Variants in FER observed in about 807,000 individuals in gnomAD.
The protein encoded by FER is tyrosine-protein kinase Fer.
Under a neutral mutation model 111.0 loss-of-function variants are expected in FER, and 63 were observed. The ratio of observed to expected loss-of-function variants is 0.57; its 90% CI spans 0.46 to 0.70. The LOEUF (loss-of-function observed/expected upper bound fraction) is 0.70. Among genes scored for constraint, FER ranks in the 30% least tolerant of loss-of-function variants. The pLI is 0.00. For synonymous variants in FER, 327 were observed against 313.9 expected (o/e 1.04, Z -0.44); for missense variants, 914 against 954.0 (o/e 0.96, Z 0.55).
chr5:109,110,858 A>T (rs1430798190), intron 17 of FER, among the ~76,000 whole-genome samples: 3 of 152,132 alleles, frequency 2.0e-5, no homozygotes, highest in African/African-American at 4.8e-5. Flanking sequence ...AGAAAAACAT[A>T]ACTCATAGCT....
chr5:109,152,312 C>T (rs547593166), intron 17 of FER, among the ~76,000 whole-genome samples: 15 of 151,942 alleles, frequency 9.9e-5, no homozygotes, highest in Non-Finnish European at 1.9e-4. Context: ...CTACCAGACT[C>T]ATCATATAGT....
intron 16 of FER, among the ~76,000 whole-genome samples, chr5:109,071,219 C>T (rs1775725664): frequency 1.3e-5 from 2 of 152,002 alleles, no homozygotes; most frequent in Admixed American, 1.3e-4. Context: ...ATCCTCTAGT[C>T]TGTGAGAGTT....
In FER at chr5:109,192,220, C is replaced by A. The variant is rs561693021; in HGVS notation, c.*4645C>A. On this transcript the variant is annotated 3_prime_UTR_variant, in exon 20 of 20. Coordinates refer to ENST00000281092, the MANE Select transcript of FER (RefSeq NM_005246.4). ...GGTGCTGAGGCAGCAGATTCAAATG[C>A]AAAAGAGGGAGGAACCAGTTATTCC... 2.0e-5 allele frequency: 3 copies of A among 152,240 alleles called. No homozygotes were observed. The East Asian group carries it at 5.8e-4, about 29-fold the overall frequency. 9.4% of individuals were successfully genotyped at this position (152,240 alleles called of 1,614,324 possible). A position where few individuals can be genotyped will look rare whatever the true frequency, so the allele number is the denominator to read the frequency against.
chr5:109,049,568 CT>C lies in FER; in HGVS notation c.1924+2380del, dbSNP rs906124423. Among the ~76,000 whole-genome samples the C allele has an allele frequency of 9.2e-4, 138 of 149,580 alleles. 1 individual carries two copies. Among genetic ancestry groups the C allele is most frequent in the African/African-American group, 2.7e-3 (109 of 40,946 alleles). ...GTTACTAGCTAAAGAATACTCTCTA[CT>C]TTTTTTTTTAAAATGCTAAATTAAA... is the stretch of plus-strand genomic sequence containing the variant. On this transcript the variant is annotated intron_variant, in intron 16 of 19. Transcript: ENST00000281092.
At chr5:109,032,356 C>T (rs530308081) in intron 13 of FER, among the ~76,000 whole-genome samples, 8 of 152,318 alleles carry the variant, frequency 5.3e-5, no homozygotes, top group East Asian at 3.9e-4. Context: ...AACACACTTA[C>T]ATTTCCTCCC....
chr5:108,789,766 C>A (rs748580145), intron 2 of FER, among the ~76,000 whole-genome samples: 23 of 152,054 alleles, frequency 1.5e-4, no homozygotes, highest in Non-Finnish European at 2.6e-4. Context: ...CCATACCCAG[C>A]CAATTTTTGT....
Position 108,962,032 on chromosome 5 carries a change from T to G in FER, c.1656+2685T>G, listed in dbSNP as rs187830969. Among the ~76,000 whole-genome samples the G allele has an allele frequency of 3.7e-3, 557 of 152,330 alleles. 2 individuals are homozygous for G. Among genetic ancestry groups the G allele is most frequent in the African/African-American group, 0.013 (524 of 41,576 alleles). On this transcript the variant is annotated intron_variant, in intron 13 of 19. Transcript: ENST00000281092. ...CTGCTCCTACCCATAAAAATATGTT[T>G]ATCATCATAATGCCTAACTTGAGGA...
intron 1 of FER, among the ~76,000 whole-genome samples, chr5:108,758,357 T>G (rs1751350386): frequency 2.0e-5 from 3 of 152,214 alleles, no homozygotes; most frequent in Admixed American, 1.3e-4. Flanking sequence ...AGACAAATAA[T>G]TTAATTCTTA....
At position 109,149,209 on chromosome 5, in the gene FER, G is replaced by C. The variant is rs116019330; in HGVS notation, c.2049-31538G>C. Among the ~76,000 whole-genome samples the C allele has an allele frequency of 8.7e-3, 1,329 of 152,220 alleles. 12 individuals carry two copies. The highest frequency in any genetic ancestry group is 0.02 in the South Asian group (95 of 4,818). ...GATGATGATTTAAAAGTCTAAATTT[G>C]AGGCCTCTCTTAAATGTAAAAGGTC... On this transcript the variant is annotated intron_variant, in intron 17 of 19. Coordinates refer to ENST00000281092, the MANE Select transcript of FER (RefSeq NM_005246.4).
chr5:109,056,288 TACTC>T (rs1283136924), intron 16 of FER, among the ~76,000 whole-genome samples: 13 of 152,216 alleles, frequency 8.5e-5, no homozygotes, highest in East Asian at 1.9e-4. Flanking sequence ...ATTGCAGTGT[TACTC>T]ACGATAGCCA....
intron 17 of FER, among the ~76,000 whole-genome samples, chr5:109,108,279 A>G (rs1357052321): frequency 6.6e-6 from 1 of 152,194 alleles, no homozygotes; most frequent in Non-Finnish European, 1.5e-5. Flanking sequence ...AGGAAGATTC[A>G]GGCCTATTCT....
At chr5:109,145,896 C>G (rs1358711325) in intron 17 of FER, among the ~76,000 whole-genome samples, 1 of 150,856 alleles carries the variant, frequency 6.6e-6, no homozygotes, top group Non-Finnish European at 1.5e-5. Context: ...GAAAATATAT[C>G]TTACAATTTA....
Position 109,189,941 on chromosome 5 carries a change from C to G in FER, c.*2366C>G, listed in dbSNP as rs1759259697. 1 of 152,172 alleles carries G rather than the reference C, an allele frequency of 6.6e-6. No homozygotes were observed. The highest frequency in any genetic ancestry group is 2.1e-4 in the South Asian group (1 of 4,824). The allele number at this position is 152,172 out of a possible 1,614,324, so 9.4% of individuals were successfully genotyped here. A position where few individuals can be genotyped will look rare whatever the true frequency, so the allele number is the denominator to read the frequency against. ...TTTCAAAACATCGTGACATGTGTAG[C>G]ATTTAAATTCCATTTTATTCTTTGT... is the stretch of plus-strand genomic sequence containing the variant. On this transcript the variant is annotated 3_prime_UTR_variant, in exon 20 of 20. Transcript: ENST00000281092.
intron 2 of FER, among the ~76,000 whole-genome samples, chr5:108,781,433 C>A (rs889620397): frequency 6.6e-6 from 1 of 152,172 alleles, no homozygotes; most frequent in Non-Finnish European, 1.5e-5. Flanking sequence ...CTCAGGTGAT[C>A]CACCTGCCTC....
chr5:109,146,955 G>C (rs1754288527), intron 17 of FER, among the ~76,000 whole-genome samples: 1 of 152,024 alleles, frequency 6.6e-6, no homozygotes, highest in Admixed American at 6.6e-5. Context: ...ATATTTAAGA[G>C]ACAATGTATT....
intron 17 of FER, among the ~76,000 whole-genome samples, chr5:109,104,178 A>G (rs1294430688): frequency 6.6e-6 from 1 of 152,244 alleles, no homozygotes; most frequent in Non-Finnish European, 1.5e-5. Context: ...TTTATCATGG[A>G]GTAAGCTAAC....
At chr5:108,952,481 T>C (rs920571814) in intron 11 of FER, among the ~76,000 whole-genome samples, 1 of 151,356 alleles carries the variant, frequency 6.6e-6, no homozygotes, top group African/African-American at 2.4e-5. Context: ...TGTGTGTATA[T>C]ACATGTGTAT....
chr5:108,822,222 TAC>T (rs150804115), intron 3 of FER, among the ~76,000 whole-genome samples: 147 of 151,890 alleles, frequency 9.7e-4, no homozygotes, highest in South Asian at 8.1e-3. Context: ...TATATGTGTA[TAC>T]ACACACACAC....
intron 13 of FER, among the ~76,000 whole-genome samples, chr5:108,995,508 CAT>C: frequency 6.6e-6 from 1 of 150,466 alleles, no homozygotes; most frequent in East Asian, 2.0e-4. Context: ...TGAATGAGAA[CAT>C]GTGGTGTTTG....
Sources: gnomAD v4.1 joint callset for allele counts (sites outside exome capture counted in the v4.1 genomes callset) on GRCh38, gnomAD v4.1.1 for gene constraint, MANE v1.5 for transcripts, NCBI Gene and HGNC (gene_info 2026-07-23, HGNC 2026-07-21) for gene names.